FER: variants seen among roughly 807,000 people sequenced by gnomAD.
FER encodes tyrosine-protein kinase Fer.
A neutral mutation model predicts 111.0 loss-of-function variants in FER; 63 were observed. That is an observed-to-expected ratio of 0.57 (90% CI 0.46 to 0.70). The LOEUF (loss-of-function observed/expected upper bound fraction) is 0.70. Ranked by LOEUF, FER falls within the 30% of genes least tolerant of loss-of-function variation. The pLI is 0.00. For synonymous variants in FER, 327 were observed against 313.9 expected (o/e 1.04, Z -0.44); for missense variants, 914 against 954.0 (o/e 0.96, Z 0.55).
At chr5:108,987,398 A>T (rs2149737612) in intron 13 of FER, among the ~76,000 whole-genome samples, 1 of 152,274 alleles carries the variant, frequency 6.6e-6, no homozygotes, top group East Asian at 1.9e-4. Context: ...GTGAGATGAG[A>T]TCACGCCCTT....
intron 2 of FER, among the ~76,000 whole-genome samples, chr5:108,790,375 T>C (rs10477935): frequency 0.24 from 35,739 of 151,998 alleles, 4,441 homozygotes; most frequent in African/African-American, 0.3. Context: ...GAGCTAAAGC[T>C]CTTGCTTTTC....
At chr5:108,809,774 G>T (rs1215728136) in intron 3 of FER, among the ~76,000 whole-genome samples, 2 of 152,052 alleles carry the variant, frequency 1.3e-5, no homozygotes, top group Non-Finnish European at 2.9e-5. Context: ...TATTGCCCAG[G>T]CTGTTCTCAA....
intron 17 of FER, among the ~76,000 whole-genome samples, chr5:109,130,713 T>C (rs1337916430): frequency 6.6e-6 from 1 of 152,106 alleles, no homozygotes; most frequent in Non-Finnish European, 1.5e-5. Flanking sequence ...CTGGTGTGTA[T>C]TTTTTACTTA....
At chr5:108,755,162 A>G (rs1448728827) in intron 1 of FER, among the ~76,000 whole-genome samples, 1 of 152,222 alleles carries the variant, frequency 6.6e-6, no homozygotes, top group Non-Finnish European at 1.5e-5. Context: ...TTTGCATTAC[A>G]TTATTTGTAT....
At chr5:108,805,247 C>T (rs1018900249) in intron 3 of FER, among the ~76,000 whole-genome samples, 6 of 152,118 alleles carry the variant, frequency 3.9e-5, no homozygotes, top group African/African-American at 1.4e-4. Flanking sequence ...CTTTTGCCTG[C>T]CGTCATCCAC....
intron 13 of FER, among the ~76,000 whole-genome samples, chr5:109,021,676 T>C (rs1399751180): frequency 6.6e-6 from 1 of 152,108 alleles, no homozygotes; most frequent in Non-Finnish European, 1.5e-5. Flanking sequence ...ATCTCATTAC[T>C]ATAAAGTAAT....
chr5:108,763,348 T>C (rs1217399287), intron 1 of FER, among the ~76,000 whole-genome samples: 1 of 152,166 alleles, frequency 6.6e-6, no homozygotes, highest in Admixed American at 6.5e-5. Flanking sequence ...AATATCTTAG[T>C]GCTAGTTCTC....
chr5:108,824,897 A>C (rs1759288396), intron 3 of FER, among the ~76,000 whole-genome samples: 1 of 152,138 alleles, frequency 6.6e-6, no homozygotes, highest in African/African-American at 2.4e-5. Flanking sequence ...GATAAATTTT[A>C]AAGTTGGGCA....
chr5:109,166,984 G>A (rs1019876133), intron 17 of FER, among the ~76,000 whole-genome samples: 19 of 152,090 alleles, frequency 1.2e-4, no homozygotes, highest in Admixed American at 2.0e-4. Flanking sequence ...AGTACAAAAT[G>A]TTACGGCTTC....
intron 17 of FER, among the ~76,000 whole-genome samples, chr5:109,106,582 A>C (rs1748963173): frequency 6.6e-6 from 1 of 152,180 alleles, no homozygotes; most frequent in African/African-American, 2.4e-5. Flanking sequence ...CTGCTCAATA[A>C]TTTTAAATGT....
chr5:108,783,747 C>G (rs1754354363), intron 2 of FER, among the ~76,000 whole-genome samples: 1 of 152,046 alleles, frequency 6.6e-6, no homozygotes, highest in African/African-American at 2.4e-5. Flanking sequence ...TCTGCTGATG[C>G]TGCCTGAGGG....
At chr5:108,894,295 G>T in intron 9 of FER, 2 of 736,464 alleles carry the variant, frequency 2.7e-6, no homozygotes, top group South Asian at 3.3e-5. Flanking sequence ...TTCAGGTTGG[G>T]ACTTGGGGGT....
chr5:108,774,145 G>A (rs977027461), intron 2 of FER, among the ~76,000 whole-genome samples: 1 of 151,846 alleles, frequency 6.6e-6, no homozygotes, highest in South Asian at 2.1e-4. Flanking sequence ...GAGTGAGAAC[G>A]TGGGATGTTT....
At chr5:109,008,215 C>T (rs1765746253) in intron 13 of FER, among the ~76,000 whole-genome samples, 1 of 152,150 alleles carries the variant, frequency 6.6e-6, no homozygotes, top group South Asian at 2.1e-4. Context: ...TGACAAAAAT[C>T]ATTTTATTGT....
At chr5:108,876,181 T>C (rs1765073473) in intron 8 of FER, among the ~76,000 whole-genome samples, 1 of 152,212 alleles carries the variant, frequency 6.6e-6, no homozygotes, top group Admixed American at 6.5e-5. Context: ...CCCACGAGGC[T>C]AAGAATGCTG....
chr5:109,172,184 C>T (rs7444247), intron 17 of FER, among the ~76,000 whole-genome samples: 17,942 of 151,428 alleles, frequency 0.12, 1,004 homozygotes, highest in Non-Finnish European at 0.14. Flanking sequence ...CACATGCACA[C>T]GTATGCTTAT....
intron 5 of FER, among the ~76,000 whole-genome samples, chr5:108,858,203 C>T (rs1763182321): frequency 6.6e-6 from 1 of 152,100 alleles, no homozygotes; most frequent in Admixed American, 6.5e-5. Context: ...TTTATTCCTC[C>T]TCTTCCTATT....
intron 16 of FER, among the ~76,000 whole-genome samples, chr5:109,054,626 A>C (rs1001563546): frequency 1.3e-5 from 2 of 151,936 alleles, no homozygotes. Context: ...TTTTTCTTTT[A>C]TGGATCATAC....
chr5:108,750,492 A>G (rs527574385), intron 1 of FER, among the ~76,000 whole-genome samples: 2 of 152,338 alleles, frequency 1.3e-5, no homozygotes, highest in South Asian at 4.1e-4. Context: ...GTACATAGGC[A>G]TACTTCTGTT....
Sources: gnomAD v4.1 joint callset for allele counts (sites outside exome capture counted in the v4.1 genomes callset) on GRCh38, gnomAD v4.1.1 for gene constraint, MANE v1.5 for transcripts, NCBI Gene and HGNC (gene_info 2026-07-23, HGNC 2026-07-21) for gene names.